The following PRKD1 variants were observed in gnomAD, a reference collection of about 807,000 sequenced individuals.
PRKD1 encodes protein kinase D1, also known as serine/threonine-protein kinase D1.
PRKD1 carries 63 observed loss-of-function variants against 95.9 expected under a neutral mutation model. The ratio of observed to expected loss-of-function variants is 0.66; its 90% confidence interval spans 0.54 to 0.81. The LOEUF (loss-of-function observed/expected upper bound fraction) is 0.81. Ranked by LOEUF, PRKD1 falls within the 30% of genes least tolerant of loss-of-function variation. The pLI, the probability that PRKD1 is intolerant of heterozygous loss-of-function variation, is 0.00. For synonymous variants in PRKD1, 425 were observed against 423.1 expected, an observed-to-expected ratio of 1.00 and a Z score of -0.05; for missense variants, 1,048 against 1,165.3, an observed-to-expected ratio of 0.90 and a Z score of 1.47.
At chr14:29,884,159 CAA>C (rs1439076187) in intron 1 of PRKD1, among the ~76,000 whole-genome samples, 2 of 152,114 alleles carry the variant, frequency 1.3e-5, no homozygotes, top group Non-Finnish European at 2.9e-5. Context: ...ATGAAAATAT[CAA>C]GAGTCATTTC....
At chr14:29,636,743 A>G (rs186536957) in intron 6 of PRKD1, among the ~76,000 whole-genome samples, 1 of 152,208 alleles carries the variant, frequency 6.6e-6, no homozygotes, top group East Asian at 1.9e-4. Flanking sequence ...TAAGCCTGGT[A>G]CCCATTAGTT....
At chr14:29,709,454 A>G (rs554312187) in intron 2 of PRKD1, among the ~76,000 whole-genome samples, 18 of 152,328 alleles carry the variant, frequency 1.2e-4, no homozygotes, top group African/African-American at 4.3e-4. Context: ...TCAGGATTAT[A>G]GCATTGCTCT....
At chr14:29,769,910 T>C (rs975356952) in intron 1 of PRKD1, among the ~76,000 whole-genome samples, 2 of 152,240 alleles carry the variant, frequency 1.3e-5, no homozygotes, top group African/African-American at 4.8e-5. Context: ...ACTACCATAA[T>C]TCATATGTTG....
At chr14:29,861,612 C>G (rs912117350) in intron 1 of PRKD1, among the ~76,000 whole-genome samples, 4 of 151,990 alleles carry the variant, frequency 2.6e-5, no homozygotes, top group Admixed American at 2.6e-4. Flanking sequence ...TATAGTCACC[C>G]TGTCATGCTA....
intron 13 of PRKD1, among the ~76,000 whole-genome samples, chr14:29,604,768 T>G (rs894495523): frequency 6.6e-6 from 1 of 152,226 alleles, no homozygotes; most frequent in Non-Finnish European, 1.5e-5. Context: ...AAAGTCATCT[T>G]GCAGAGAACA....
chr14:29,924,670 T>G (rs1190944315), intron 1 of PRKD1, among the ~76,000 whole-genome samples: 1 of 152,164 alleles, frequency 6.6e-6, no homozygotes, highest in African/African-American at 2.4e-5. Context: ...AAATTGTAAA[T>G]GATTTCAAAC....
chr14:29,683,335 C>T (rs1245827554), intron 2 of PRKD1, among the ~76,000 whole-genome samples: 1 of 152,088 alleles, frequency 6.6e-6, no homozygotes, highest in Non-Finnish European at 1.5e-5. Context: ...ACTGGTACCA[C>T]TAATGATGAG....
At chr14:29,667,787 T>C (rs1882607164) in intron 2 of PRKD1, among the ~76,000 whole-genome samples, 2 of 152,266 alleles carry the variant, frequency 1.3e-5, no homozygotes, top group Admixed American at 1.3e-4. Context: ...ATAATTACTT[T>C]AGTATTCAAA....
intron 2 of PRKD1, among the ~76,000 whole-genome samples, chr14:29,692,368 T>C (rs1255875436): frequency 6.6e-6 from 1 of 152,138 alleles, no homozygotes; most frequent in Non-Finnish European, 1.5e-5. Flanking sequence ...GCCCCAGCAC[T>C]TCAGATTTTG....
At position 29,619,687 on chromosome 14, in the gene PRKD1, TA is replaced by T. The variant is rs200315082; in HGVS notation, c.1905+4464del. 2.9e-3 allele frequency among the ~76,000 whole-genome samples: 437 copies of T among 152,268 alleles called. 1 individual carries two copies. The highest frequency in any genetic ancestry group is 9.3e-3 in the African/African-American group (385 of 41,562). ...AGGGGGTTTGGACTGCAATTTTAAA[TA>T]GGGTGTTAGAGTAGTGCTCATGTAT... On this transcript the variant is annotated intron_variant, in intron 13 of 17. Transcript: ENST00000331968.
At chr14:29,728,577 T>C (rs1886281379) in intron 1 of PRKD1, among the ~76,000 whole-genome samples, 1 of 152,220 alleles carries the variant, frequency 6.6e-6, no homozygotes, top group African/African-American at 2.4e-5. Context: ...TATAAAGTTT[T>C]TGAGATTCAT....
At chr14:29,740,946 C>A (rs1159437885) in intron 1 of PRKD1, among the ~76,000 whole-genome samples, 1 of 152,212 alleles carries the variant, frequency 6.6e-6, no homozygotes, top group Non-Finnish European at 1.5e-5. Context: ...GAGGGCATGT[C>A]TTTTGCAGGA....
At chr14:29,734,208 A>C (rs1886606417) in intron 1 of PRKD1, among the ~76,000 whole-genome samples, 1 of 151,390 alleles carries the variant, frequency 6.6e-6, no homozygotes, top group African/African-American at 2.4e-5. Flanking sequence ...CGCCTGGCTA[A>C]TTTTTGTATT....
intron 13 of PRKD1, among the ~76,000 whole-genome samples, chr14:29,604,739 C>T (rs1893642303): frequency 6.6e-6 from 1 of 152,170 alleles, no homozygotes; most frequent in Admixed American, 6.5e-5. Context: ...ACAGACTATA[C>T]TTACCTGATA....
chr14:29,652,595 G>A (rs1271373452), intron 4 of PRKD1, among the ~76,000 whole-genome samples: 1 of 152,114 alleles, frequency 6.6e-6, no homozygotes, highest in African/African-American at 2.4e-5. Flanking sequence ...AAAATTTTTG[G>A]ACATCTTTCC....
chr14:29,889,748 A>G (rs1257111717), intron 1 of PRKD1, among the ~76,000 whole-genome samples: 1 of 152,200 alleles, frequency 6.6e-6, no homozygotes, highest in Non-Finnish European at 1.5e-5. Flanking sequence ...GGATGTGTGG[A>G]CAAGGAGAGG....
At chr14:29,806,679 T>C (rs370412918) in intron 1 of PRKD1, among the ~76,000 whole-genome samples, 4 of 152,150 alleles carry the variant, frequency 2.6e-5, no homozygotes, top group African/African-American at 9.6e-5. Flanking sequence ...AATATTCTAC[T>C]GAAAACTTAA....
intron 13 of PRKD1, among the ~76,000 whole-genome samples, chr14:29,623,213 T>G (rs1190919752): frequency 6.6e-6 from 1 of 152,244 alleles, no homozygotes; most frequent in Non-Finnish European, 1.5e-5. Flanking sequence ...TTAGAAATTC[T>G]GAGTCCCAGA....
intron 1 of PRKD1, among the ~76,000 whole-genome samples, chr14:29,845,495 C>T (rs1442522864): frequency 6.6e-6 from 1 of 152,082 alleles, no homozygotes; most frequent in Non-Finnish European, 1.5e-5. Flanking sequence ...AAAATACTTA[C>T]ATAAACTCTA....
Sources: allele counts gnomAD v4.1 joint callset (sites outside exome capture counted in the v4.1 genomes callset), GRCh38; gene constraint gnomAD v4.1.1; transcripts MANE v1.5; gene names NCBI Gene and HGNC (gene_info 2026-07-23, HGNC 2026-07-21).